PBX3: variants seen among roughly 807,000 people sequenced by gnomAD.
PBX3 encodes PBX homeobox 3.
Under a neutral mutation model 48.5 loss-of-function variants are expected in PBX3, and 14 were observed. The ratio of observed to expected loss-of-function variants is 0.29; its 90% CI spans 0.19 to 0.45. The LOEUF (loss-of-function observed/expected upper bound fraction) is 0.45, where lower values mean the gene tolerates loss of function less well. Among genes scored for constraint, PBX3 ranks in the 20% least tolerant of loss-of-function variants. The pLI, the probability that PBX3 is intolerant of heterozygous loss-of-function variation, is 1.00. For synonymous variants in PBX3, 210 were observed against 200.3 expected (o/e 1.05, Z -0.41); for missense variants, 386 against 546.7 (o/e 0.71, Z 2.93).
chr9:125,850,760 CTG>C (rs1336199210), intron 2 of PBX3, among the ~76,000 whole-genome samples: 2 of 152,060 alleles, frequency 1.3e-5, no homozygotes, highest in Non-Finnish European at 2.9e-5. Flanking sequence ...AAAGATAAAA[CTG>C]TTTGAGAAAA....
intron 2 of PBX3, among the ~76,000 whole-genome samples, chr9:125,816,731 T>A (rs1425380715): frequency 2.0e-5 from 3 of 152,202 alleles, no homozygotes; most frequent in Non-Finnish European, 4.4e-5. Context: ...AGTTTTAGTC[T>A]GTCTCTCTTT....
At chr9:125,839,019 G>A (rs569870007) in intron 2 of PBX3, among the ~76,000 whole-genome samples, 8 of 152,264 alleles carry the variant, frequency 5.3e-5, no homozygotes, top group Admixed American at 5.2e-4. Flanking sequence ...GAATGGTTCA[G>A]AATATGGGAT....
At chr9:125,789,471 C>T (rs766536890) in intron 2 of PBX3, among the ~76,000 whole-genome samples, 1 of 152,200 alleles carries the variant, frequency 6.6e-6, no homozygotes, top group Non-Finnish European at 1.5e-5. Context: ...GACTGATGGC[C>T]AGAGACATCA....
intron 2 of PBX3, among the ~76,000 whole-genome samples, chr9:125,896,889 T>A (rs1588271640): frequency 6.6e-6 from 1 of 152,114 alleles, no homozygotes. Context: ...TCCCCAGCTA[T>A]AATTAAATTG....
chr9:125,937,142 C>G (rs1841854534), intron 5 of PBX3, among the ~76,000 whole-genome samples: 1 of 152,106 alleles, frequency 6.6e-6, no homozygotes, highest in African/African-American at 2.4e-5. Flanking sequence ...AGTATATGCA[C>G]CATTAGAGAA....
rs564174854 is a variant in PBX3 at position 125,855,596 on chromosome 9, A to G, written c.275-60090A>G. On this transcript the variant is annotated intron_variant, in intron 2 of 8. Coordinates refer to ENST00000373489, the MANE Select transcript of PBX3 (RefSeq NM_006195.6). ...AGATGTCATGTTGACAGTATATCAA[A>G]ACTATGCTTTTGCTAGGGCACATTA... is the stretch of plus-strand genomic sequence containing the variant. Among the ~76,000 whole-genome samples, 325 of 152,282 alleles carry G rather than the reference A, an allele frequency of 2.1e-3. 2 individuals carry two copies. The highest frequency in any genetic ancestry group is 0.01 in the Middle Eastern group (3 of 294).
chr9:125,936,304 C>T (rs756496437), intron 5 of PBX3, among the ~76,000 whole-genome samples: 1 of 152,106 alleles, frequency 6.6e-6, no homozygotes, highest in African/African-American at 2.4e-5. Context: ...CTCTTTAGAA[C>T]ATAAATATAT....
chr9:125,868,584 T>C (rs1022757461), intron 2 of PBX3, among the ~76,000 whole-genome samples: 1 of 152,148 alleles, frequency 6.6e-6, no homozygotes, highest in African/African-American at 2.4e-5. Context: ...TGTCTGTCAG[T>C]GCTGACCTAG....
At position 125,896,663 on chromosome 9, in the gene PBX3, A is replaced by C. The variant is rs557970682; in HGVS notation, c.275-19023A>C. On this transcript the variant is annotated intron_variant, in intron 2 of 8. Coordinates refer to ENST00000373489, the MANE Select transcript of PBX3 (RefSeq NM_006195.6). ...TTGTTTAAATACAGAAGAGGCTGTAACAAAATGCTGTCAAGAGCCATCACA... is the reference window on the plus strand; with the variant it reads ...TTGTTTAAATACAGAAGAGGCTGTACCAAAATGCTGTCAAGAGCCATCACA... Among the ~76,000 whole-genome samples, 39 of 152,190 alleles carry C rather than the reference A, an allele frequency of 2.6e-4. 1 individual carries two copies. In the South Asian group the frequency reaches 7.5e-3, roughly 29 times the overall value.
At chr9:125,843,201 A>T (rs1329475126) in intron 2 of PBX3, among the ~76,000 whole-genome samples, 1 of 152,150 alleles carries the variant, frequency 6.6e-6, no homozygotes, top group Non-Finnish European at 1.5e-5. Context: ...GAGACTGCCC[A>T]TTGGGAATTT....
At chr9:125,951,885 A>G (rs552230506) in intron 5 of PBX3, among the ~76,000 whole-genome samples, 1 of 152,318 alleles carries the variant, frequency 6.6e-6, no homozygotes, top group South Asian at 2.1e-4. Context: ...TTCTGTCCTT[A>G]TAGAAACTGT....
intron 2 of PBX3, among the ~76,000 whole-genome samples, chr9:125,752,847 TATC>T (rs1296071665): frequency 2.0e-5 from 3 of 152,338 alleles, no homozygotes; most frequent in Admixed American, 6.5e-5. Context: ...CCAATATAAT[TATC>T]ATCTTTTGTT....
chr9:125,865,933 G>C (rs1839968644), intron 2 of PBX3, among the ~76,000 whole-genome samples: 1 of 151,608 alleles, frequency 6.6e-6, no homozygotes, highest in Non-Finnish European at 1.5e-5. Flanking sequence ...TAGCTTACCT[G>C]CTTGCGTGCC....
chr9:125,959,116 A>C (rs1171870914), intron 5 of PBX3, among the ~76,000 whole-genome samples: 1 of 152,216 alleles, frequency 6.6e-6, no homozygotes, highest in Non-Finnish European at 1.5e-5. Flanking sequence ...AGCCCTTGAA[A>C]TTGTTCACAT....
intron 2 of PBX3, among the ~76,000 whole-genome samples, chr9:125,881,473 A>G (rs1466816214): frequency 1.3e-5 from 2 of 152,260 alleles, no homozygotes; most frequent in Admixed American, 6.5e-5. Context: ...TTTAAAAACA[A>G]TAATAACTCA....
intron 2 of PBX3, among the ~76,000 whole-genome samples, chr9:125,803,110 T>TC (rs985096050): frequency 8.0e-5 from 12 of 150,136 alleles, no homozygotes; most frequent in African/African-American, 2.9e-4. Flanking sequence ...TTTTTTTTTT[T>TC]TGAGTCAGAG....
chr9:125,854,297 G>A (rs114581007), intron 2 of PBX3, among the ~76,000 whole-genome samples: 3,078 of 151,708 alleles, frequency 0.02, 114 homozygotes, highest in African/African-American at 0.069. Context: ...ATGTCCAGCT[G>A]ATTTTTGTGT....
intron 2 of PBX3, among the ~76,000 whole-genome samples, chr9:125,836,536 G>C (rs1353236929): frequency 6.6e-6 from 1 of 152,106 alleles, no homozygotes; most frequent in Admixed American, 6.5e-5. Flanking sequence ...TGCTAAAAGG[G>C]GTTGGTTAAT....
intron 2 of PBX3, among the ~76,000 whole-genome samples, chr9:125,766,313 A>G (rs1041668449): frequency 6.6e-6 from 1 of 152,072 alleles, no homozygotes; most frequent in Non-Finnish European, 1.5e-5. Context: ...ACCTACCTGG[A>G]TCCTAAGTAA....
Sources: allele counts gnomAD v4.1 joint callset (sites outside exome capture counted in the v4.1 genomes callset), GRCh38; gene constraint gnomAD v4.1.1; transcripts MANE v1.5; gene names NCBI Gene and HGNC (gene_info 2026-07-23, HGNC 2026-07-21).